The following ERBB4 variants were observed in gnomAD, a reference collection of about 807,000 sequenced individuals.
The protein encoded by ERBB4 is receptor tyrosine-protein kinase erbB-4.
ERBB4 carries 42 observed loss-of-function variants against 158.0 expected under a neutral mutation model. That is an observed-to-expected ratio of 0.27 (90% confidence interval 0.21 to 0.34). The LOEUF is 0.34. Ranked by LOEUF, ERBB4 falls within the 10% of genes least tolerant of loss-of-function variation. ERBB4 has a pLI of 1.00. For synonymous variants in ERBB4, 583 were observed against 558.7 expected (o/e 1.04, Z -0.61); for missense variants, 1,333 against 1,624.1 (o/e 0.82, Z 3.08).
intron 1 of ERBB4, among the ~76,000 whole-genome samples, chr2:212,298,001 G>A (rs1229960806): frequency 6.6e-6 from 1 of 151,798 alleles, no homozygotes; most frequent in African/African-American, 2.4e-5. Context: ...ATGGAAGACA[G>A]TGCTGAAATC....
chr2:211,457,588 C>T (rs1208817793), intron 20 of ERBB4, among the ~76,000 whole-genome samples: 4 of 152,174 alleles, frequency 2.6e-5, no homozygotes, highest in Non-Finnish European at 4.4e-5. Flanking sequence ...GAGGCCTTCA[C>T]TTGAGTCAAC....
intron 2 of ERBB4, among the ~76,000 whole-genome samples, chr2:211,973,790 A>G (rs2081527688): frequency 6.6e-6 from 1 of 152,226 alleles, no homozygotes; most frequent in Non-Finnish European, 1.5e-5. Context: ...GTGTATGTTC[A>G]TTACAGCATT....
chr2:212,059,734 G>A (rs2077700840), intron 2 of ERBB4, among the ~76,000 whole-genome samples: 1 of 152,208 alleles, frequency 6.6e-6, no homozygotes, highest in South Asian at 2.1e-4. Context: ...AAACTGGCTA[G>A]CCAAGTGTAG....
chr2:211,702,942 A>G (rs1409208122), intron 11 of ERBB4, among the ~76,000 whole-genome samples: 1 of 151,962 alleles, frequency 6.6e-6, no homozygotes, highest in Non-Finnish European at 1.5e-5. Context: ...TTTTTTACTT[A>G]TTTACTTTTT....
At chr2:211,769,482 C>A (rs553962294) in intron 4 of ERBB4, among the ~76,000 whole-genome samples, 1 of 152,212 alleles carries the variant, frequency 6.6e-6, no homozygotes, top group East Asian at 1.9e-4. Flanking sequence ...TCTAGAGGAA[C>A]AGAACTAAAA....
chr2:212,297,601 G>C (rs984402817), intron 1 of ERBB4, among the ~76,000 whole-genome samples: 2 of 151,568 alleles, frequency 1.3e-5, no homozygotes, highest in African/African-American at 4.8e-5. Flanking sequence ...AGAAAGACTT[G>C]AAAGATCAAA....
chr2:211,611,583 T>C (rs2125833102), intron 19 of ERBB4, among the ~76,000 whole-genome samples: 1 of 152,264 alleles, frequency 6.6e-6, no homozygotes, highest in Non-Finnish European at 1.5e-5. Flanking sequence ...AAACCTTCAA[T>C]CGAAAGAAGA....
At position 212,056,874 on chromosome 2, in the gene ERBB4, T is replaced by C. The variant is rs564561311; in HGVS notation, c.234+67878A>G. Among the ~76,000 whole-genome samples the C allele has an allele frequency of 5.3e-5, 8 of 152,264 alleles. No homozygotes were observed. The South Asian group carries it at 1.7e-3, about 32-fold the overall frequency. Reference sequence around the variant, plus strand: ...GCTAGGAAGAAATGGCATCAACTAATGAGCAAAATAACCAGCCAACATCAT... The same window carrying C: ...GCTAGGAAGAAATGGCATCAACTAACGAGCAAAATAACCAGCCAACATCAT... On this transcript the variant is annotated intron_variant, in intron 2 of 27. Transcript: ENST00000342788.
At chr2:211,573,836 T>C (rs2067813519) in intron 19 of ERBB4, among the ~76,000 whole-genome samples, 1 of 152,142 alleles carries the variant, frequency 6.6e-6, no homozygotes, top group Non-Finnish European at 1.5e-5. Flanking sequence ...AGAACTGATT[T>C]ATTGGGAGGT....
At chr2:212,188,272 TCC>T (rs2082090207) in intron 1 of ERBB4, among the ~76,000 whole-genome samples, 1 of 87,744 alleles carries the variant, frequency 1.1e-5, no homozygotes, top group Non-Finnish European at 2.2e-5. Flanking sequence ...CCCTCTTCTC[TCC>T]CTCCCTCTTC....
intron 1 of ERBB4, among the ~76,000 whole-genome samples, chr2:212,320,516 A>G (rs1301145772): frequency 1.7e-5 from 2 of 117,956 alleles, no homozygotes; most frequent in Admixed American, 7.6e-5. Flanking sequence ...ACATGACAGA[A>G]AAAAAAAAAC....
At chr2:211,766,736 A>G (rs1002260130) in intron 4 of ERBB4, among the ~76,000 whole-genome samples, 2 of 152,132 alleles carry the variant, frequency 1.3e-5, no homozygotes, top group African/African-American at 2.4e-5. Context: ...ATCTGTGCTG[A>G]TTTCCTAGAA....
At chr2:211,637,846 T>C (rs2070418158) in intron 16 of ERBB4, among the ~76,000 whole-genome samples, 1 of 151,920 alleles carries the variant, frequency 6.6e-6, no homozygotes, top group East Asian at 1.9e-4. Flanking sequence ...CTTTCACCTA[T>C]TGTATTTTTT....
At chr2:211,632,197 T>C (rs1211009910) in intron 16 of ERBB4, among the ~76,000 whole-genome samples, 1 of 152,100 alleles carries the variant, frequency 6.6e-6, no homozygotes, top group East Asian at 1.9e-4. Flanking sequence ...TCTAAAGATA[T>C]AAAAATCTCT....
At chr2:211,599,645 T>A (rs2068741737) in intron 19 of ERBB4, among the ~76,000 whole-genome samples, 3 of 152,000 alleles carry the variant, frequency 2.0e-5, no homozygotes, top group Admixed American at 2.0e-4. Flanking sequence ...ACCTCTATAG[T>A]CTATGAAAAC....
At chr2:211,478,139 T>A (rs1000004987) in intron 20 of ERBB4, among the ~76,000 whole-genome samples, 3 of 152,126 alleles carry the variant, frequency 2.0e-5, no homozygotes, top group African/African-American at 7.2e-5. Context: ...ATGGGATCAC[T>A]AAAACACAGT....
chr2:211,575,976 A>C (rs2067879165), intron 19 of ERBB4, among the ~76,000 whole-genome samples: 1 of 152,166 alleles, frequency 6.6e-6, no homozygotes, highest in South Asian at 2.1e-4. Flanking sequence ...ATTAATATGC[A>C]AGTTTTTATA....
intron 1 of ERBB4, among the ~76,000 whole-genome samples, chr2:212,400,946 CTCTCA>C (rs563552393): frequency 7.7e-4 from 117 of 152,098 alleles, no homozygotes; most frequent in Non-Finnish European, 1.4e-3. Context: ...AAAAGAGCAC[CTCTCA>C]TATTAGTAGC....
intron 1 of ERBB4, among the ~76,000 whole-genome samples, chr2:212,336,400 C>T (rs2088443147): frequency 1.3e-5 from 2 of 152,002 alleles, no homozygotes; most frequent in South Asian, 4.1e-4. Context: ...TTAGCATTTA[C>T]ATGAGTTCTA....
Sources: gnomAD v4.1 joint callset for allele counts (sites outside exome capture counted in the v4.1 genomes callset) on GRCh38, gnomAD v4.1.1 for gene constraint, MANE v1.5 for transcripts, NCBI Gene and HGNC (gene_info 2026-07-23, HGNC 2026-07-21) for gene names.